The following KCNAB1 variants were observed in gnomAD, a reference collection of about 807,000 sequenced individuals.
The protein encoded by KCNAB1 is voltage-gated potassium channel subunit beta-1.
A neutral mutation model predicts 64.6 loss-of-function variants in KCNAB1; 35 were observed. The ratio of observed to expected loss-of-function variants is 0.54; its 90% CI spans 0.41 to 0.72. KCNAB1 has a LOEUF of 0.72. KCNAB1 is among the 30% of genes least tolerant of loss of function. KCNAB1 has a pLI of 0.00. For synonymous variants in KCNAB1, 177 were observed against 183.8 expected, an observed-to-expected ratio of 0.96 and a Z score of 0.30; for missense variants, 401 against 512.9, an observed-to-expected ratio of 0.78 and a Z score of 2.11.
At chr3:156,298,993 G>A (rs1720976232) in intron 1 of KCNAB1, among the ~76,000 whole-genome samples, 1 of 152,210 alleles carries the variant, frequency 6.6e-6, no homozygotes, top group African/African-American at 2.4e-5. Context: ...AAGAGAGTTA[G>A]CAATGGTTGT....
At chr3:156,292,044 T>C in intron 1 of KCNAB1, 2 of 1,614,116 alleles carry the variant, frequency 1.2e-6, no homozygotes, top group Non-Finnish European at 1.7e-6. Flanking sequence ...GTCGCTATCA[T>C]CGCGCGCAGC....
In KCNAB1 at chr3:156,341,011, A is replaced by G. The variant is rs1226904967; in HGVS notation, c.276-80605A>G. On this transcript the variant is annotated intron_variant, in intron 1 of 13. Coordinates refer to ENST00000490337, the MANE Select transcript of KCNAB1 (RefSeq NM_172160.3). Reference sequence around the variant, plus strand: ...ATCGAATGACTATCAAAGAAAAGAGACACTCCTCCTGTTATGCAATACGTT... The same window carrying G: ...ATCGAATGACTATCAAAGAAAAGAGGCACTCCTCCTGTTATGCAATACGTT... 2.0e-5 allele frequency among the ~76,000 whole-genome samples: 3 copies of G among 152,216 alleles called. No homozygotes were observed. The East Asian group carries it at 5.8e-4, about 29-fold the overall frequency.
intron 1 of KCNAB1, among the ~76,000 whole-genome samples, chr3:156,341,505 C>G (rs1020387661): frequency 6.6e-6 from 1 of 152,232 alleles, no homozygotes; most frequent in African/African-American, 2.4e-5. Context: ...TCATTCCCCC[C>G]TCTTGCTACT....
intron 1 of KCNAB1, among the ~76,000 whole-genome samples, chr3:156,160,923 T>A (rs1005366301): frequency 6.6e-6 from 1 of 152,250 alleles, no homozygotes; most frequent in Non-Finnish European, 1.5e-5. Flanking sequence ...AGGGCAGAAC[T>A]CTGCAGCAGC....
chr3:156,193,128 G>C (rs1450226288), intron 1 of KCNAB1, among the ~76,000 whole-genome samples: 1 of 151,632 alleles, frequency 6.6e-6, no homozygotes, highest in Admixed American at 6.6e-5. Context: ...ATATTTTAAT[G>C]ATTTTTTCCT....
rs1352112340 is a variant in KCNAB1, at chr3:156,176,565, G to A, written c.275+55679G>A. 4.7e-5 allele frequency: 39 copies of A among 822,334 alleles called. 1 individual carries two copies. In the South Asian group the frequency reaches 5.2e-4, roughly 11 times the overall value. The allele number at this position is 822,334 out of a possible 1,614,324, so 50.9% of individuals were successfully genotyped here. A position where few individuals can be genotyped will look rare whatever the true frequency, so the allele number is the denominator to read the frequency against. On this transcript the variant is annotated intron_variant, in intron 1 of 13. Transcript: ENST00000490337. ...ATACTGCCATCTGTGTTGTAATGCAGTTCCATCACTGCTCCACTGTGTTCC... is the reference window on the plus strand; with the variant it reads ...ATACTGCCATCTGTGTTGTAATGCAATTCCATCACTGCTCCACTGTGTTCC...
intron 1 of KCNAB1, among the ~76,000 whole-genome samples, chr3:156,419,495 C>T (rs11928311): frequency 4.9e-5 from 7 of 143,552 alleles, no homozygotes; most frequent in Admixed American, 7.0e-5. Context: ...AGCGAGACTC[C>T]GTCTCAAAAA....
chr3:156,502,532 C>CCACACACACA (rs60469602), intron 8 of KCNAB1, among the ~76,000 whole-genome samples: 56 of 142,914 alleles, frequency 3.9e-4, no homozygotes, highest in African/African-American at 1.3e-3. Flanking sequence ...TACCTTACAA[C>CCACACACACA]CACACACACA....
At chr3:156,251,633 G>A (rs1234939736) in intron 1 of KCNAB1, among the ~76,000 whole-genome samples, 1 of 152,090 alleles carries the variant, frequency 6.6e-6, no homozygotes, top group Non-Finnish European at 1.5e-5. Context: ...CCTTTTTCTT[G>A]AATGGGCGGG....
In KCNAB1 at chr3:156,538,041, TC is replaced by T. The variant is rs1434578528; in HGVS notation, c.*1295del. On this transcript the variant is annotated 3_prime_UTR_variant, in exon 14 of 14. Coordinates refer to ENST00000490337, the MANE Select transcript of KCNAB1 (RefSeq NM_172160.3). ...TGTTGCACTCGAAATCTGAGGTGTATCTAGCCCTGCCACTATTGGCTACTTA... is the reference window on the plus strand; with the variant it reads ...TGTTGCACTCGAAATCTGAGGTGTATTAGCCCTGCCACTATTGGCTACTTA... The T allele has an allele frequency of 6.6e-6, 1 of 152,198 alleles. No individual in the cohort carries two copies. Among genetic ancestry groups the T allele is most frequent in the Non-Finnish European group, 1.5e-5 (1 of 68,028 alleles). 9.4% of individuals were successfully genotyped at this position (152,198 alleles called of 1,614,324 possible).
intron 12 of KCNAB1, among the ~76,000 whole-genome samples, chr3:156,528,806 AT>A (rs1335507709): frequency 6.6e-6 from 1 of 152,228 alleles, no homozygotes; most frequent in Non-Finnish European, 1.5e-5. Context: ...GTAGGGAGCC[AT>A]GAAGCTGCAG....
chr3:156,148,883 T>C (rs1046470406), intron 1 of KCNAB1, among the ~76,000 whole-genome samples: 1 of 151,922 alleles, frequency 6.6e-6, no homozygotes, highest in African/African-American at 2.4e-5. Context: ...CTGTTGCTAT[T>C]AGGATCTACT....
At chr3:156,428,488 T>TAC (rs4056995) in intron 2 of KCNAB1, among the ~76,000 whole-genome samples, 13,030 of 127,464 alleles carry the variant, frequency 0.1, 641 homozygotes, top group Non-Finnish European at 0.12. Context: ...AATTCCTCTA[T>TAC]ACACACACAC....
intron 1 of KCNAB1, among the ~76,000 whole-genome samples, chr3:156,274,767 TTGA>T (rs1353020302): frequency 3.9e-5 from 6 of 152,238 alleles, no homozygotes; most frequent in African/African-American, 1.4e-4. Context: ...GGTGTATAAC[TTGA>T]TGATTTGACA....
At chr3:156,376,066 C>T (rs978401919) in intron 1 of KCNAB1, among the ~76,000 whole-genome samples, 8 of 152,252 alleles carry the variant, frequency 5.3e-5, no homozygotes, top group African/African-American at 1.9e-4. Flanking sequence ...GCGATCCACC[C>T]GCCTTGGCAT....
At chr3:156,415,334 T>G (rs1330933998) in intron 1 of KCNAB1, among the ~76,000 whole-genome samples, 1 of 152,178 alleles carries the variant, frequency 6.6e-6, no homozygotes, top group Non-Finnish European at 1.5e-5. Flanking sequence ...CACTTAACTG[T>G]CAACAAAAGT....
intron 1 of KCNAB1, chr3:156,143,350 GAA>G: frequency 6.2e-7 from 1 of 1,611,672 alleles, no homozygotes; most frequent in Admixed American, 1.7e-5. Flanking sequence ...GAAATATGTG[GAA>G]AAGTTTCTAC....
rs144324789 is a variant in KCNAB1 at position 156,463,893 on chromosome 3, G to T, written c.527+147G>T. On this transcript the variant is annotated intron_variant, in intron 6 of 13. Transcript: ENST00000490337. The stretch of plus-strand genomic sequence containing the variant: ...TTTTTTGTTTTTTTCTCACACTAAG[G>T]AAATAGCAATTAGCCTAAGATTTCA... The T allele has an allele frequency of 1.3e-3, 715 of 569,346 alleles. 12 individuals carry two copies. In the South Asian group the frequency reaches 0.018, roughly 15 times the overall value. 35.3% of individuals were successfully genotyped at this position (569,346 alleles called of 1,614,324 possible). A position where few individuals can be genotyped will look rare whatever the true frequency, so the allele number is the denominator to read the frequency against.
intron 1 of KCNAB1, among the ~76,000 whole-genome samples, chr3:156,177,769 C>CT (rs1413406402): frequency 3.9e-5 from 6 of 152,138 alleles, no homozygotes; most frequent in African/African-American, 7.2e-5. Context: ...GCGACAGAGT[C>CT]TCGCCCTGTC....
Sources: allele counts gnomAD v4.1 joint callset (sites outside exome capture counted in the v4.1 genomes callset), GRCh38; gene constraint gnomAD v4.1.1; transcripts MANE v1.5; gene names NCBI Gene and HGNC (gene_info 2026-07-23, HGNC 2026-07-21).